The following TRAK1 variants were observed in gnomAD, a reference collection of about 807,000 sequenced individuals.
TRAK1 encodes the protein trafficking kinesin-binding protein 1.
TRAK1 carries 33 observed loss-of-function variants against 92.1 expected under a neutral mutation model. The observed-to-expected ratio is 0.36, with a 90% CI of 0.27 to 0.48. TRAK1 has a LOEUF of 0.48. TRAK1 is among the 20% of genes least tolerant of loss of function. The pLI is 0.99. For missense variants in TRAK1, 1,123 were observed against 1,257.9 expected, an observed-to-expected ratio of 0.89 and a Z score of 1.62; for synonymous variants, 521 against 517.3, an observed-to-expected ratio of 1.01 and a Z score of -0.10.
chr3:42,101,163 C>T (rs1418440114), intron 1 of TRAK1, among the ~76,000 whole-genome samples: 1 of 152,200 alleles, frequency 6.6e-6, no homozygotes, highest in African/African-American at 2.4e-5. Context: ...ACATGTTCTC[C>T]TCTGGGCAGA....
intron 1 of TRAK1, among the ~76,000 whole-genome samples, chr3:42,101,900 C>T (rs755158790): frequency 5.9e-5 from 9 of 152,288 alleles, no homozygotes; most frequent in South Asian, 2.1e-4. Context: ...ATTTACTCCG[C>T]GTTATTAAGC....
Position 42,209,831 on chromosome 3 carries a change from C to G in TRAK1, c.1809C>G (p.Pro603=), listed in dbSNP as rs752111416. 1 of 1,614,222 alleles carries G rather than the reference C, an allele frequency of 6.2e-7. No homozygotes were observed. The highest frequency in any genetic ancestry group is 1.1e-5 in the South Asian group (1 of 91,082). The stretch of plus-strand genomic sequence containing the variant: ...CTCACCTTGGGGGCATCCTGGACCC[C>G]CGGCCCGGTGTGGTCACCAAGGGCT... ...AQPHLGGILD[P]RPGVVTKGFR... The change falls in exon 14 of 16, where the codon CCC becomes CCG. Residue 603 remains proline (P), a synonymous_variant. Coordinates refer to ENST00000327628, the MANE Select transcript of TRAK1 (RefSeq NM_001042646.3).
chr3:42,137,835 G>A (rs1356212489), intron 2 of TRAK1, among the ~76,000 whole-genome samples: 1 of 152,160 alleles, frequency 6.6e-6, no homozygotes, highest in Non-Finnish European at 1.5e-5. Context: ...ATCATCCACG[G>A]ACTAAATATG....
chr3:42,122,509 C>T (rs1285008425), intron 1 of TRAK1, among the ~76,000 whole-genome samples: 5 of 152,066 alleles, frequency 3.3e-5, no homozygotes, highest in Non-Finnish European at 7.4e-5. Context: ...GCTGTGGAGA[C>T]AGTTTGACCA....
At chr3:42,192,190 C>A (rs1028053783) in intron 7 of TRAK1, among the ~76,000 whole-genome samples, 1 of 151,946 alleles carries the variant, frequency 6.6e-6, no homozygotes, top group African/African-American at 2.4e-5. Context: ...GCGTGAGCCA[C>A]CACCCCTGGC....
At chr3:42,142,806 C>T (rs554879117) in intron 2 of TRAK1, among the ~76,000 whole-genome samples, 91 of 152,314 alleles carry the variant, frequency 6.0e-4, no homozygotes, top group South Asian at 4.1e-3. Flanking sequence ...TTTACAGACT[C>T]ACCTTGTCTC....
intron 1 of TRAK1, among the ~76,000 whole-genome samples, chr3:42,109,744 C>G (rs2149062502): frequency 6.6e-6 from 1 of 152,234 alleles, no homozygotes; most frequent in South Asian, 2.1e-4. Flanking sequence ...AAATGTGGCA[C>G]ATATACACCA....
At chr3:42,045,761 C>G (rs979655415) in intron 1 of TRAK1, among the ~76,000 whole-genome samples, 1 of 152,194 alleles carries the variant, frequency 6.6e-6, no homozygotes, top group African/African-American at 2.4e-5. Context: ...GAGTCCAGCT[C>G]TTATCCCCAC....
intron 14 of TRAK1, chr3:42,218,552 G>A (rs1442746914): frequency 1.0e-5 from 10 of 984,832 alleles, no homozygotes; most frequent in Middle Eastern, 5.2e-4. Flanking sequence ...TGATGCTTGA[G>A]TTATGAATGA....
At chr3:42,024,656 T>C (rs768418193) in intron 1 of TRAK1, among the ~76,000 whole-genome samples, 1 of 152,252 alleles carries the variant, frequency 6.6e-6, no homozygotes, top group Non-Finnish European at 1.5e-5. Context: ...TTTCAGCTAA[T>C]CATATGATTG....
chr3:42,215,277 T>C (rs1370148201), intron 14 of TRAK1, among the ~76,000 whole-genome samples: 1 of 152,188 alleles, frequency 6.6e-6, no homozygotes, highest in East Asian at 1.9e-4. Flanking sequence ...GAACTGTTTC[T>C]CATGCAGCTG....
chr3:42,189,051 A>G lies in TRAK1; in HGVS notation c.617A>G (p.Asn206Ser), dbSNP rs1332729525. ...KRNESSSSVQ[N>S]YFHLDSLQKK... ...AATGAGTCGTCCTCCTCAGTCCAGAATTACTTTCATTTGGATTCTCTTCAA... is the reference window on the plus strand; with the variant it reads ...AATGAGTCGTCCTCCTCAGTCCAGAGTTACTTTCATTTGGATTCTCTTCAA... The change falls in exon 6 of 16, where the codon AAT becomes AGT. Residue 206 changes from asparagine (N) to serine (S), a missense_variant. Transcript: ENST00000327628. 1 of 1,614,014 alleles carries G rather than the reference A, an allele frequency of 6.2e-7. No homozygotes were observed. The highest frequency in any genetic ancestry group is 8.5e-7 in the Non-Finnish European group (1 of 1,179,998).
chr3:42,085,718 A>G (rs1704639824), upstream of TRAK1, among the ~76,000 whole-genome samples: 1 of 152,222 alleles, frequency 6.6e-6, no homozygotes, highest in Admixed American at 6.5e-5. Context: ...AGTGGTTCTC[A>G]CACTTTTTTT....
At chr3:42,153,687 C>G (rs1027567012) in intron 2 of TRAK1, among the ~76,000 whole-genome samples, 11 of 152,172 alleles carry the variant, frequency 7.2e-5, no homozygotes, top group African/African-American at 2.7e-4. Context: ...CTGTTCCTCA[C>G]TTGATTTCAG....
At chr3:42,083,499 C>T (rs1281608704), upstream of TRAK1, among the ~76,000 whole-genome samples, 1 of 152,134 alleles carries the variant, frequency 6.6e-6, no homozygotes, top group East Asian at 1.9e-4. Flanking sequence ...CTTTGAGTTT[C>T]TAAATATCTG....
chr3:42,219,999 T>C (rs2149544538), intron 15 of TRAK1, among the ~76,000 whole-genome samples: 1 of 152,076 alleles, frequency 6.6e-6, no homozygotes, highest in East Asian at 1.9e-4. Flanking sequence ...GTTGGCTATT[T>C]AGTTAGAAAT....
At chr3:42,037,490 G>A (rs1414780898) in intron 1 of TRAK1, among the ~76,000 whole-genome samples, 1 of 152,200 alleles carries the variant, frequency 6.6e-6, no homozygotes, top group East Asian at 1.9e-4. Context: ...ATGGTGAGCA[G>A]GCATGCAGAT....
Position 42,091,681 on chromosome 3 carries a change from G to A in TRAK1, c.91+121G>A, listed in dbSNP as rs1705087338. ...CCGTGCTGCTTGGGAGGTTGTTCAT[G>A]GTCATGTGGTAGAGAAATTGCCATG... is the stretch of plus-strand genomic sequence containing the variant. On this transcript the variant is annotated intron_variant, in intron 1 of 15. Coordinates refer to ENST00000327628, the MANE Select transcript of TRAK1 (RefSeq NM_001042646.3). The A allele has an allele frequency of 4.4e-6, 4 of 910,898 alleles. No individual in the cohort carries two copies. The Admixed American group carries it at 9.1e-5, about 21-fold the overall frequency. 56.4% of individuals were successfully genotyped at this position (910,898 alleles called of 1,614,324 possible).
At chr3:42,100,308 A>T (rs1706564453) in intron 1 of TRAK1, among the ~76,000 whole-genome samples, 1 of 152,204 alleles carries the variant, frequency 6.6e-6, no homozygotes, top group Non-Finnish European at 1.5e-5. Flanking sequence ...TAGAGGCCAC[A>T]GTGCGCCATG....
Sources: allele counts gnomAD v4.1 joint callset (sites outside exome capture counted in the v4.1 genomes callset), GRCh38; gene constraint gnomAD v4.1.1; transcripts MANE v1.5; gene names NCBI Gene and HGNC (gene_info 2026-07-23, HGNC 2026-07-21).